CARMIL1: variants seen among roughly 807,000 people sequenced by gnomAD.
CARMIL1 encodes capping protein regulator and myosin 1 linker 1, also known as F-actin-uncapping protein LRRC16A.
CARMIL1 carries 90 observed loss-of-function variants against 177.1 expected under a neutral mutation model. That is an observed-to-expected ratio of 0.51 (90% CI 0.43 to 0.61). The LOEUF (loss-of-function observed/expected upper bound fraction) is 0.61. CARMIL1 is among the 20% of genes least tolerant of loss of function. CARMIL1 has a pLI of 0.00. For missense variants in CARMIL1, 1,380 were observed against 1,667.0 expected, an observed-to-expected ratio of 0.83 and a Z score of 3.00; for synonymous variants, 577 against 606.2, an observed-to-expected ratio of 0.95 and a Z score of 0.71.
chr6:25,381,772 G>A lies in CARMIL1; in HGVS notation c.139-38342G>A, dbSNP rs139111922. On this transcript the variant is annotated intron_variant, in intron 2 of 36. Transcript: ENST00000329474. ...GCTCTTTGAACTCTTTAACTTAGAG[G>A]TTTTATGGCGTTTCCATTACATAGT... 3.9e-4 allele frequency among the ~76,000 whole-genome samples: 59 copies of A among 152,248 alleles called. No individual in the cohort carries two copies. In the East Asian group the frequency reaches 0.011, roughly 28 times the overall value.
At chr6:25,357,706 T>G (rs1788775769) in intron 2 of CARMIL1, among the ~76,000 whole-genome samples, 1 of 152,244 alleles carries the variant, frequency 6.6e-6, no homozygotes, top group Non-Finnish European at 1.5e-5. Flanking sequence ...GGGATAAGCT[T>G]CTCAGTATAA....
chr6:25,284,710 A>G, intron 1 of CARMIL1, 102 bp from the exon 2 acceptor site: 1 of 677,870 alleles, frequency 1.5e-6, no homozygotes, highest in East Asian at 2.9e-5. Flanking sequence ...CTCTGTCTCA[A>G]AAGACAACAA....
intron 5 of CARMIL1, among the ~76,000 whole-genome samples, chr6:25,440,128 C>T (rs1246220802): frequency 6.6e-6 from 1 of 152,120 alleles, no homozygotes; most frequent in African/African-American, 2.4e-5. Context: ...ATTTCCAGTA[C>T]CTTGTTGGGT....
chr6:25,490,604 G>A lies in CARMIL1; in HGVS notation c.1066-1128G>A, dbSNP rs1380832489. 7.2e-5 allele frequency among the ~76,000 whole-genome samples: 11 copies of A among 152,120 alleles called. No homozygotes were observed. In the South Asian group the frequency reaches 2.3e-3, roughly 32 times the overall value. On this transcript the variant is annotated intron_variant, in intron 13 of 36. Coordinates refer to ENST00000329474, the MANE Select transcript of CARMIL1 (RefSeq NM_017640.6). Reference sequence around the variant, plus strand: ...TCCCAGCCACTCAGGAGGTTGAAGCGGGAGGATGGCTTGATGCCGGGAAGT... The same window carrying A: ...TCCCAGCCACTCAGGAGGTTGAAGCAGGAGGATGGCTTGATGCCGGGAAGT...
chr6:25,533,100 G>A (rs945974176), intron 24 of CARMIL1, among the ~76,000 whole-genome samples: 12 of 152,132 alleles, frequency 7.9e-5, no homozygotes, highest in African/African-American at 2.7e-4. Flanking sequence ...CTATTTGCTC[G>A]TTATATTCTC....
intron 2 of CARMIL1, among the ~76,000 whole-genome samples, chr6:25,395,712 G>T (rs1793318756): frequency 6.6e-6 from 1 of 152,144 alleles, no homozygotes; most frequent in South Asian, 2.1e-4. Context: ...CTAAGCATTT[G>T]CAAGTCACTC....
At chr6:25,297,508 G>A (rs941249937) in intron 2 of CARMIL1, among the ~76,000 whole-genome samples, 1 of 152,186 alleles carries the variant, frequency 6.6e-6, no homozygotes, top group Non-Finnish European at 1.5e-5. Context: ...GGTCTTCTCT[G>A]TTCAATATCT....
chr6:25,312,572 T>G (rs958526289), intron 2 of CARMIL1, among the ~76,000 whole-genome samples: 3 of 152,122 alleles, frequency 2.0e-5, no homozygotes, highest in Non-Finnish European at 2.9e-5. Context: ...GTTGTTTTTG[T>G]TTTTTTAAAC....
intron 12 of CARMIL1, among the ~76,000 whole-genome samples, chr6:25,486,898 T>A (rs528044011): frequency 2.8e-4 from 43 of 152,332 alleles, no homozygotes; most frequent in South Asian, 1.2e-3. Flanking sequence ...GACTTTTCAT[T>A]GTAGAGTCTA....
intron 31 of CARMIL1, among the ~76,000 whole-genome samples, chr6:25,593,184 T>C (rs1378354722): frequency 6.6e-6 from 1 of 152,160 alleles, no homozygotes; most frequent in Non-Finnish European, 1.5e-5. Flanking sequence ...TTTGACCATA[T>C]CTTGGGCAGC....
chr6:25,605,451 A>G (rs757457554), intron 34 of CARMIL1, among the ~76,000 whole-genome samples: 8 of 152,236 alleles, frequency 5.3e-5, no homozygotes, highest in Non-Finnish European at 8.8e-5. Context: ...AGTCTTATGC[A>G]TAGCTACAGT....
At chr6:25,337,272 CTTCCAGTA>C (rs1412939101) in intron 2 of CARMIL1, among the ~76,000 whole-genome samples, 1 of 152,192 alleles carries the variant, frequency 6.6e-6, no homozygotes, top group Non-Finnish European at 1.5e-5. Flanking sequence ...GATGGTTGAG[CTTCCAGTA>C]TTTTCTCCCA....
chr6:25,543,415 G>A (rs991689594), intron 26 of CARMIL1, among the ~76,000 whole-genome samples: 5 of 152,124 alleles, frequency 3.3e-5, no homozygotes, highest in African/African-American at 1.2e-4. Flanking sequence ...TGAAGGGGAT[G>A]ATGTTTTCTC....
chr6:25,581,555 T>A, intron 31 of CARMIL1, 116 bp downstream of exon 31: 2 of 904,446 alleles, frequency 2.2e-6, no homozygotes, highest in East Asian at 2.7e-5. Context: ...TTAAGGAGAC[T>A]AGAACCTCTT....
chr6:25,450,880 T>G (rs1581991167), intron 8 of CARMIL1, among the ~76,000 whole-genome samples, 169 bp downstream of exon 8: 1 of 132,076 alleles, frequency 7.6e-6, no homozygotes, highest in Non-Finnish European at 1.6e-5. Flanking sequence ...TTCTCTTTTC[T>G]CTTTTTTCTT....
At chr6:25,573,590 C>CA (rs5875051) in intron 29 of CARMIL1, among the ~76,000 whole-genome samples, 34,463 of 69,640 alleles carry the variant, frequency 0.49, 8,575 homozygotes, top group East Asian at 0.76. Context: ...TACCTCTAAG[C>CA]AAAAAAAAAA....
At chr6:25,452,077 C>T (rs768858663) in intron 8 of CARMIL1, 10 of 676,872 alleles carry the variant, frequency 1.5e-5, no homozygotes, top group Non-Finnish European at 2.7e-5. Context: ...CCCTGAAGAG[C>T]TCTAGCCAAC....
At chr6:25,304,934 A>G (rs1381855093) in intron 2 of CARMIL1, among the ~76,000 whole-genome samples, 1 of 151,864 alleles carries the variant, frequency 6.6e-6, no homozygotes, top group African/African-American at 2.4e-5. Context: ...TGAGTACATG[A>G]TATCATTTTG....
At chr6:25,446,160 C>T (rs867306212) in intron 5 of CARMIL1, among the ~76,000 whole-genome samples, 26 of 152,288 alleles carry the variant, frequency 1.7e-4, no homozygotes, top group Middle Eastern at 3.4e-3. Flanking sequence ...TGATTGGCCT[C>T]AACTTAGAGT....
Sources: allele counts gnomAD v4.1 joint callset (sites outside exome capture counted in the v4.1 genomes callset), GRCh38; gene constraint gnomAD v4.1.1; transcripts MANE v1.5; gene names NCBI Gene and HGNC (gene_info 2026-07-23, HGNC 2026-07-21).